Variants in DOCK4 observed in about 807,000 individuals in gnomAD.
DOCK4 encodes the protein dedicator of cytokinesis protein 4.
DOCK4 carries 97 observed loss-of-function variants against 268.1 expected under a neutral mutation model. The observed-to-expected ratio is 0.36, with a 90% CI of 0.31 to 0.43. The LOEUF (loss-of-function observed/expected upper bound fraction) is 0.43. Ranked by LOEUF, DOCK4 falls within the 20% of genes least tolerant of loss-of-function variation. The pLI, the probability that DOCK4 is intolerant of heterozygous loss-of-function variation, is 1.00. For missense variants in DOCK4, 2,145 were observed against 2,455.7 expected (o/e 0.87, Z 2.67); for synonymous variants, 954 against 887.2 (o/e 1.08, Z -1.34).
At chr7:111,762,518 A>G (rs1226433965) in intron 39 of DOCK4, among the ~76,000 whole-genome samples, 2 of 152,094 alleles carry the variant, frequency 1.3e-5, no homozygotes, top group South Asian at 2.1e-4. Flanking sequence ...TGTAGCACAT[A>G]TAAGTATTTC....
At chr7:112,155,828 C>G (rs1448889760) in intron 1 of DOCK4, among the ~76,000 whole-genome samples, 1 of 152,194 alleles carries the variant, frequency 6.6e-6, no homozygotes, top group African/African-American at 2.4e-5. Context: ...AATGGAGATG[C>G]TCTACATCTG....
intron 42 of DOCK4, among the ~76,000 whole-genome samples, chr7:111,753,044 A>G (rs1277182746): frequency 6.9e-6 from 1 of 145,284 alleles, no homozygotes; most frequent in Non-Finnish European, 1.5e-5. Flanking sequence ...AAGGTCCCCA[A>G]TTTCATCTGA....
At chr7:111,919,470 G>GT (rs1464064051) in intron 12 of DOCK4, among the ~76,000 whole-genome samples, 1 of 152,174 alleles carries the variant, frequency 6.6e-6, no homozygotes, top group African/African-American at 2.4e-5. Context: ...ACAAAATAGT[G>GT]TGGGGAAAAG....
At chr7:111,785,278 C>G (rs745743491) in intron 32 of DOCK4, among the ~76,000 whole-genome samples, 8 of 152,174 alleles carry the variant, frequency 5.3e-5, no homozygotes, top group Non-Finnish European at 1.2e-4. Flanking sequence ...AACCTCTGAA[C>G]AGCACCTCTT....
At chr7:111,745,570 G>A (rs1796202860) in intron 44 of DOCK4, among the ~76,000 whole-genome samples, 1 of 151,210 alleles carries the variant, frequency 6.6e-6, no homozygotes, top group South Asian at 2.1e-4. Context: ...TGTGGTCCCA[G>A]CTACTTGGGA....
At chr7:112,066,991 C>CA (rs1807129238) in intron 1 of DOCK4, among the ~76,000 whole-genome samples, 1 of 149,900 alleles carries the variant, frequency 6.7e-6, no homozygotes, top group African/African-American at 2.5e-5. Context: ...CACACACACA[C>CA]ACACAAAAAA....
chr7:111,933,418 C>A (rs951314439), intron 12 of DOCK4, among the ~76,000 whole-genome samples: 1 of 150,668 alleles, frequency 6.6e-6, no homozygotes, highest in Non-Finnish European at 1.5e-5. Flanking sequence ...CCTCAGACTC[C>A]GGAGTAGCTG....
chr7:111,806,349 GAA>G (rs1300184949), intron 30 of DOCK4, among the ~76,000 whole-genome samples: 6 of 152,144 alleles, frequency 3.9e-5, no homozygotes, highest in Admixed American at 1.3e-4. Flanking sequence ...ATATATGTTG[GAA>G]GAGAGGCTTT....
chr7:112,093,878 GAAA>G (rs5886610), intron 1 of DOCK4, among the ~76,000 whole-genome samples: 1 of 129,464 alleles, frequency 7.7e-6, no homozygotes, highest in African/African-American at 2.8e-5. Flanking sequence ...GACATATAAG[GAAA>G]AAAAAAAAAA....
intron 27 of DOCK4, among the ~76,000 whole-genome samples, chr7:111,817,810 C>T (rs1033158502): frequency 5.9e-5 from 9 of 152,196 alleles, no homozygotes; most frequent in African/African-American, 1.4e-4. Flanking sequence ...CTTCCAGATA[C>T]AGCCCTGTTT....
At chr7:111,878,618 G>A (rs963026337) in intron 16 of DOCK4, among the ~76,000 whole-genome samples, 5 of 148,904 alleles carry the variant, frequency 3.4e-5, no homozygotes, top group African/African-American at 4.9e-5. Flanking sequence ...CCCATCCCCC[G>A]GCAGTAGCTA....
At chr7:111,751,676 C>T (rs1230739751) in intron 42 of DOCK4, among the ~76,000 whole-genome samples, 1 of 152,074 alleles carries the variant, frequency 6.6e-6, no homozygotes, top group Non-Finnish European at 1.5e-5. Flanking sequence ...AACTCCTGAC[C>T]TCAAGTGATC....
At chr7:111,884,638 C>T (rs995417853) in intron 16 of DOCK4, among the ~76,000 whole-genome samples, 2 of 152,068 alleles carry the variant, frequency 1.3e-5, no homozygotes, top group Non-Finnish European at 2.9e-5. Flanking sequence ...ATGCAATAAG[C>T]TCACGAATCT....
intron 44 of DOCK4, among the ~76,000 whole-genome samples, chr7:111,745,806 C>T (rs544331213): frequency 6.6e-6 from 1 of 150,970 alleles, no homozygotes; most frequent in Non-Finnish European, 1.5e-5. Context: ...GGTTGAACAT[C>T]CCTAATACAA....
chr7:112,095,197 G>T (rs1020638104), intron 1 of DOCK4, among the ~76,000 whole-genome samples: 1 of 152,134 alleles, frequency 6.6e-6, no homozygotes, highest in African/African-American at 2.4e-5. Flanking sequence ...TATGGATTAT[G>T]AGCAAGGAGG....
intron 28 of DOCK4, among the ~76,000 whole-genome samples, chr7:111,809,679 T>C (rs1323540831): frequency 6.6e-6 from 1 of 152,236 alleles, no homozygotes; most frequent in Admixed American, 6.5e-5. Flanking sequence ...TCCAAAGCTG[T>C]ATTCCAGGTT....
chr7:111,905,683 A>ATGTGTGTGTGTGTGTG (rs145889951), intron 13 of DOCK4, among the ~76,000 whole-genome samples: 1 of 147,724 alleles, frequency 6.8e-6, no homozygotes, highest in Non-Finnish European at 1.5e-5. Flanking sequence ...ATATGCATGT[A>ATGTGTGTGTGTGTGTG]TGTGTGTGTG....
chr7:111,930,306 C>T (rs1794094811), intron 12 of DOCK4, among the ~76,000 whole-genome samples: 1 of 151,780 alleles, frequency 6.6e-6, no homozygotes, highest in Admixed American at 6.6e-5. Context: ...GTTAATGTAC[C>T]TTTGCAACAT....
At position 111,746,437 on chromosome 7, in the gene DOCK4, T is replaced by A; in HGVS notation, c.4594-20A>T. ...GAATGCCTAGTAAGGGAAAGGAGAATCAGTCTACTTTAGTGGAGTACAAGG... is the reference window on the plus strand; with the variant it reads ...GAATGCCTAGTAAGGGAAAGGAGAAACAGTCTACTTTAGTGGAGTACAAGG... On this transcript the variant is annotated intron_variant, in intron 43 of 52. Coordinates refer to ENST00000428084, the MANE Select transcript of DOCK4 (RefSeq NM_001363540.2). The A allele has an allele frequency of 6.4e-7, 1 of 1,560,168 alleles. No individual in the cohort carries two copies. The highest frequency in any genetic ancestry group is 8.7e-7 in the Non-Finnish European group (1 of 1,146,760).
Sources: gnomAD v4.1 joint callset for allele counts (sites outside exome capture counted in the v4.1 genomes callset) on GRCh38, gnomAD v4.1.1 for gene constraint, MANE v1.5 for transcripts, NCBI Gene and HGNC (gene_info 2026-07-23, HGNC 2026-07-21) for gene names.